FAM171A1: variants seen among roughly 807,000 people sequenced by gnomAD.
FAM171A1 encodes the protein family with sequence similarity 171 member A1.
Under a neutral mutation model 74.9 loss-of-function variants are expected in FAM171A1, and 23 were observed. The observed-to-expected ratio is 0.31, with a 90% CI of 0.22 to 0.44. The LOEUF is 0.44. Ranked by LOEUF, FAM171A1 falls within the 20% of genes least tolerant of loss-of-function variation. The pLI is 1.00. For missense variants in FAM171A1, 1,162 were observed against 1,159.2 expected (o/e 1.00, Z -0.03); for synonymous variants, 527 against 505.7 (o/e 1.04, Z -0.57).
At chr10:15,228,601 C>T (rs1012722317) in intron 5 of FAM171A1, among the ~76,000 whole-genome samples, 1 of 152,234 alleles carries the variant, frequency 6.6e-6, no homozygotes, top group African/African-American at 2.4e-5. Flanking sequence ...CCTGCCTCTT[C>T]CTCCCAAGGT....
At chr10:15,262,372 G>A (rs1834669336) in intron 3 of FAM171A1, among the ~76,000 whole-genome samples, 1 of 152,324 alleles carries the variant, frequency 6.6e-6, no homozygotes, top group South Asian at 2.1e-4. Flanking sequence ...AGCTGGAGTG[G>A]AAAGCTATTT....
intron 1 of FAM171A1, among the ~76,000 whole-genome samples, chr10:15,295,999 T>C (rs1056370463): frequency 6.6e-6 from 1 of 152,274 alleles, no homozygotes; most frequent in African/African-American, 2.4e-5. Context: ...TACGAGGTTT[T>C]GCCCCATGTT....
upstream of FAM171A1, among the ~76,000 whole-genome samples, chr10:15,372,443 C>T (rs1836161218): frequency 6.6e-6 from 1 of 152,002 alleles, no homozygotes; most frequent in South Asian, 2.1e-4. Flanking sequence ...GCCTATAATC[C>T]CAACACTTTG....
intron 5 of FAM171A1, among the ~76,000 whole-genome samples, chr10:15,244,981 A>G (rs562440128): frequency 6.6e-6 from 1 of 152,180 alleles, no homozygotes. Flanking sequence ...AAATGTGGTT[A>G]AATATGTCCA....
intron 5 of FAM171A1, among the ~76,000 whole-genome samples, chr10:15,223,022 C>A (rs755655635): frequency 1.8e-4 from 27 of 152,140 alleles, no homozygotes; most frequent in Non-Finnish European, 3.5e-4. Context: ...ACAAGGGGAG[C>A]GACAACGTAA....
chr10:15,278,285 G>A (rs111741599), intron 2 of FAM171A1, among the ~76,000 whole-genome samples: 21 of 152,194 alleles, frequency 1.4e-4, no homozygotes, highest in African/African-American at 5.1e-4. Flanking sequence ...CGCAGAATGG[G>A]CCAGGTACCA....
chr10:15,284,498 C>T (rs1046659411), intron 1 of FAM171A1, among the ~76,000 whole-genome samples: 2 of 152,142 alleles, frequency 1.3e-5, no homozygotes, highest in African/African-American at 4.8e-5. Flanking sequence ...TGATGGCTCA[C>T]TGCAGTCTCG....
Position 15,248,630 on chromosome 10 carries a change from C to T in FAM171A1, c.754+9G>A, listed in dbSNP as rs1469357317. On this transcript the variant is annotated intron_variant, in intron 5 of 7. Coordinates refer to ENST00000378116, the MANE Select transcript of FAM171A1 (RefSeq NM_001010924.2). ...GGTAGCCGATTGTCGGCACAGAACT[C>T]TTGCTTACCCAGCTTCTGGTCAAAC... 1.3e-6 allele frequency: 2 copies of T among 1,595,298 alleles called. No homozygotes were observed. Among genetic ancestry groups the T allele is most frequent in the East Asian group, 4.5e-5 (2 of 44,212 alleles).
intron 1 of FAM171A1, among the ~76,000 whole-genome samples, chr10:15,364,061 G>A (rs1022098262): frequency 1.3e-5 from 2 of 151,144 alleles, no homozygotes; most frequent in South Asian, 2.1e-4. Flanking sequence ...GGGTGGGGGG[G>A]CGGTCCCTAA....
At chr10:15,232,475 G>A (rs929364926) in intron 5 of FAM171A1, among the ~76,000 whole-genome samples, 1 of 152,204 alleles carries the variant, frequency 6.6e-6, no homozygotes, top group South Asian at 2.1e-4. Flanking sequence ...CTACAACAGA[G>A]TCATGTCTGG....
intron 3 of FAM171A1, among the ~76,000 whole-genome samples, chr10:15,255,364 C>A (rs1365713570): frequency 1.1e-4 from 17 of 152,168 alleles, no homozygotes; most frequent in Non-Finnish European, 1.5e-5. Context: ...ATTAACAGTG[C>A]AACCTTGAAA....
intron 3 of FAM171A1, among the ~76,000 whole-genome samples, chr10:15,269,738 T>C (rs143211770): frequency 3.2e-4 from 48 of 152,294 alleles, no homozygotes; most frequent in African/African-American, 1.1e-3. Flanking sequence ...TGCTCTCCAT[T>C]GGAGAGGAAA....
intron 1 of FAM171A1, among the ~76,000 whole-genome samples, chr10:15,361,979 G>C (rs1480836829): frequency 2.0e-5 from 3 of 152,072 alleles, no homozygotes; most frequent in African/African-American, 7.2e-5. Context: ...AACAATCTCT[G>C]GTAAACTCAA....
intron 1 of FAM171A1, among the ~76,000 whole-genome samples, chr10:15,353,547 C>G (rs566540319): frequency 6.6e-6 from 1 of 152,306 alleles, no homozygotes; most frequent in African/African-American, 2.4e-5. Context: ...AGCATTGAAG[C>G]AAGAAAACGT....
chr10:15,270,421 T>C (rs1329479488), intron 3 of FAM171A1, among the ~76,000 whole-genome samples: 1 of 152,186 alleles, frequency 6.6e-6, no homozygotes, highest in East Asian at 1.9e-4. Context: ...CAAGGAGGCC[T>C]GCCTGCCTCT....
rs181184314 is a variant in FAM171A1 at position 15,284,860 on chromosome 10, C to A, written c.98-755G>T. On this transcript the variant is annotated intron_variant, in intron 1 of 7. Coordinates refer to ENST00000378116, the MANE Select transcript of FAM171A1 (RefSeq NM_001010924.2). ...TGCACTGGTAATCACAAAGGCTAGA[C>A]TGAAAAGAAGTGAAAACTATTGTTA... is the stretch of plus-strand genomic sequence containing the variant. Among the ~76,000 whole-genome samples, 109 of 149,378 alleles carry A rather than the reference C, an allele frequency of 7.3e-4. No homozygotes were observed. In the Middle Eastern group the frequency reaches 0.014, roughly 19 times the overall value.
rs534767108 is a variant in FAM171A1, at chr10:15,308,784, T to C, written c.98-24679A>G. ...AACCTGAAGGGTTGCAAAGCCACAT[T>C]AAGGTCATCACAAGCAGTAATCAAG... On this transcript the variant is annotated intron_variant, in intron 1 of 7. Transcript: ENST00000378116. Among the ~76,000 whole-genome samples, 3 of 152,264 alleles carry C rather than the reference T, an allele frequency of 2.0e-5. No individual in the cohort carries two copies. The South Asian group carries it at 6.2e-4, about 32-fold the overall frequency.
At chr10:15,259,587 C>G (rs1223617849) in intron 3 of FAM171A1, among the ~76,000 whole-genome samples, 1 of 152,146 alleles carries the variant, frequency 6.6e-6, no homozygotes, top group African/African-American at 2.4e-5. Flanking sequence ...ATATTTACAA[C>G]AACCCTGTGA....
intron 3 of FAM171A1, among the ~76,000 whole-genome samples, chr10:15,261,560 T>C (rs192482458): frequency 9.2e-5 from 14 of 152,260 alleles, no homozygotes; most frequent in African/African-American, 3.4e-4. Flanking sequence ...GTGTTTTAAG[T>C]GCTAGAATAA....
Sources: allele counts gnomAD v4.1 joint callset (sites outside exome capture counted in the v4.1 genomes callset), GRCh38; gene constraint gnomAD v4.1.1; transcripts MANE v1.5; gene names NCBI Gene and HGNC (gene_info 2026-07-23, HGNC 2026-07-21).